FGFR1: variants seen among roughly 807,000 people sequenced by gnomAD.
The protein encoded by FGFR1 is FGFR1/PLAG1 fusion.
In FGFR1, 18 loss-of-function variants were observed where a neutral mutation model predicts 93.7. That is an observed-to-expected ratio of 0.19 (90% CI 0.13 to 0.28). FGFR1 has a LOEUF of 0.28. Ranked by LOEUF, FGFR1 falls within the 10% of genes least tolerant of loss-of-function variation. The probability of loss-of-function intolerance (pLI) is 1.00; values close to 1 mark genes in which losing one functional copy is unlikely to be tolerated. For missense variants in FGFR1, 731 were observed against 1,080.4 expected (o/e 0.68, Z 4.53); for synonymous variants, 448 against 429.3 (o/e 1.04, Z -0.54).
intron 1 of FGFR1, among the ~76,000 whole-genome samples, chr8:38,464,404 T>C (rs1345997942): frequency 6.6e-6 from 1 of 151,384 alleles, no homozygotes; most frequent in Non-Finnish European, 1.5e-5. Flanking sequence ...GGATGTACTA[T>C]GAGTGGAACC....
At chr8:38,427,777 A>AT in intron 5 of FGFR1, 144 bp downstream of exon 5, 10 of 849,372 alleles carry the variant, frequency 1.2e-5, no homozygotes, top group South Asian at 8.0e-5. Flanking sequence ...CTTTATTTGC[A>AT]TTTTTTTGTA....
intron 1 of FGFR1, among the ~76,000 whole-genome samples, chr8:38,464,559 A>G (rs1835120551): frequency 6.6e-6 from 1 of 152,130 alleles, no homozygotes; most frequent in African/African-American, 2.4e-5. Context: ...CCTTAGGAGG[A>G]AAAACAAATA....
intron 1 of FGFR1, among the ~76,000 whole-genome samples, chr8:38,461,430 A>C (rs1356108822): frequency 6.6e-6 from 1 of 152,114 alleles, no homozygotes; most frequent in East Asian, 1.9e-4. Context: ...CATCCCCCAG[A>C]CTCAAGTGAT....
At chr8:38,428,571 TTGG>T (rs1370743174) in intron 3 of FGFR1, 136 bp from the exon 4 acceptor site, 1 of 718,334 alleles carries the variant, frequency 1.4e-6, no homozygotes, top group African/African-American at 1.8e-5. Context: ...TGATGATCTC[TTGG>T]TGGGATGGAA....
chr8:38,455,046 G>T (rs1055627495), intron 2 of FGFR1, among the ~76,000 whole-genome samples: 4 of 147,276 alleles, frequency 2.7e-5, no homozygotes, highest in African/African-American at 1.0e-4. Flanking sequence ...TGTGATCATG[G>T]CTCACTGCAA....
rs1269375948 is a variant in FGFR1 at position 38,411,429 on chromosome 8, C to G, written c.*2199G>C. On this transcript the variant is annotated 3_prime_UTR_variant, in exon 18 of 18. Transcript: ENST00000447712. ...AGAGCTAAAAATTCATTTCCTAGTT[C>G]TGTTCACCAAATGATGCCTTCTTTA... 4.5e-6 allele frequency: 1 copy of G among 224,020 alleles called. No homozygotes were observed. Among genetic ancestry groups the G allele is most frequent in the Non-Finnish European group, 8.9e-6 (1 of 112,362 alleles). The allele number at this position is 224,020 out of a possible 1,614,324, so 13.9% of individuals were successfully genotyped here. A position where few individuals can be genotyped will look rare whatever the true frequency, so the allele number is the denominator to read the frequency against.
intron 2 of FGFR1, among the ~76,000 whole-genome samples, chr8:38,451,779 A>G (rs1176002759): frequency 6.6e-6 from 1 of 152,136 alleles, no homozygotes; most frequent in Non-Finnish European, 1.5e-5. Context: ...ACTGCTGAAA[A>G]GGGGGCAGGA....
At position 38,429,966 on chromosome 8, in the gene FGFR1, C is replaced by T. The variant is rs2150968247; in HGVS notation, c.92-18G>A. The stretch of plus-strand genomic sequence containing the variant: ...GGGCTGGGCTGCAGCCACCACGGGG[C>T]CGGGAAGGGAAGCCAAGGGGCGAGA... On this transcript the variant is annotated intron_variant, in intron 2 of 17. Transcript: ENST00000447712. The surrounding 1 kb of genome is among the most constrained non-coding windows in gnomAD (Gnocchi z 4.4). 1 of 1,593,184 alleles carries T rather than the reference C, an allele frequency of 6.3e-7. No individual in the cohort carries two copies. Among genetic ancestry groups the T allele is most frequent in the Non-Finnish European group, 8.6e-7 (1 of 1,168,140 alleles).
chr8:38,457,526 A>T lies in FGFR1; in HGVS notation c.-80T>A, dbSNP rs1263613909. The stretch of plus-strand genomic sequence containing the variant: ...CACAGTGAGCTCGATCCTCCTTTTC[A>T]AACTGACCCTGAGGAAAGGAAAAAA... On this transcript the variant is annotated 5_prime_UTR_variant, in exon 2 of 18. Transcript: ENST00000447712. 6.3e-7 allele frequency: 1 copy of T among 1,596,806 alleles called. No individual in the cohort carries two copies. The highest frequency in any genetic ancestry group is 8.5e-7 in the Non-Finnish European group (1 of 1,172,288).
In FGFR1 at chr8:38,413,905, C is replaced by A; in HGVS notation, c.2292+13G>T. ...GACGGCCTGAGCTCTGGCTCTGGCA[C>A]GGGCAGCCTTACCTGGTTGGAGGTC... On this transcript the variant is annotated intron_variant, in intron 17 of 17. Coordinates refer to ENST00000447712, the MANE Select transcript of FGFR1 (RefSeq NM_023110.3). This position sits in a 1 kb window ranked among gnomAD's most constrained non-coding sequence, Gnocchi z 4.2. 4 of 1,613,600 alleles carry A rather than the reference C, an allele frequency of 2.5e-6. No homozygotes were observed. The highest frequency in any genetic ancestry group is 3.4e-6 in the Non-Finnish European group (4 of 1,179,738).
At chr8:38,414,524 C>T (rs369312812) in intron 15 of FGFR1, 35 bp downstream of exon 15, 2 of 1,611,152 alleles carry the variant, frequency 1.2e-6, no homozygotes, top group Non-Finnish European at 1.7e-6. Context: ...GCTCTCTATC[C>T]CACACCTCCC....
At chr8:38,441,581 T>C (rs1180481272) in intron 2 of FGFR1, among the ~76,000 whole-genome samples, 3 of 152,214 alleles carry the variant, frequency 2.0e-5, no homozygotes, top group Non-Finnish European at 4.4e-5. Context: ...CTCTCCCTCC[T>C]ATCTAAACAG....
Position 38,457,378 on chromosome 8 carries a change from C to G in FGFR1, c.69G>C (p.Pro23=), listed in dbSNP as rs369704492. 6.2e-7 allele frequency: 1 copy of G among 1,613,590 alleles called. No individual in the cohort carries two copies. The highest frequency in any genetic ancestry group is 8.5e-7 in the Non-Finnish European group (1 of 1,180,014). The change falls in exon 2 of 18, where the codon CCG becomes CCC. Residue 23 remains proline (P), a synonymous_variant. Coordinates refer to ENST00000447712, the MANE Select transcript of FGFR1 (RefSeq NM_023110.3). The part of the protein sequence containing the change: ...LVTATLCTAR[P]SPTLPEQAQP... ...TACCTTGTTCAGGCAAGGTCGGGGACGGCCTAGCGGTGCAGAGTGTGGCTG... is the reference window on the plus strand; with the variant it reads ...TACCTTGTTCAGGCAAGGTCGGGGAGGGCCTAGCGGTGCAGAGTGTGGCTG...
chr8:38,458,462 A>G, intron 1 of FGFR1, among the ~76,000 whole-genome samples: 1 of 151,806 alleles, frequency 6.6e-6, no homozygotes, highest in Non-Finnish European at 1.5e-5. Context: ...AATTGCTTGA[A>G]CTCAGGAGGC....
intron 1 of FGFR1, chr8:38,461,106 T>A (rs1386976928): frequency 6.5e-7 from 1 of 1,536,092 alleles, no homozygotes; most frequent in South Asian, 1.2e-5. Flanking sequence ...CTTGCCTCCA[T>A]CACAGGTGGT....
chr8:38,459,998 C>G (rs1168856059), intron 1 of FGFR1, among the ~76,000 whole-genome samples: 2 of 152,100 alleles, frequency 1.3e-5, no homozygotes, highest in Non-Finnish European at 2.9e-5. Context: ...GACTGGCCAA[C>G]ATGGTGAAAT....
chr8:38,428,440 G>A lies in FGFR1; in HGVS notation c.359-5C>T, dbSNP rs1293360136. 6 of 1,609,622 alleles carry A rather than the reference G, an allele frequency of 3.7e-6. No individual in the cohort carries two copies. In the South Asian group the frequency reaches 6.6e-5, roughly 18 times the overall value. The stretch of plus-strand genomic sequence containing the variant: ...CCTCCGAGGAGGGGAGAGCATCTAT[G>A]GGAAGAAGAAGGGGCACTGAGGTTC... On this transcript the variant is annotated splice_polypyrimidine_tract_variant and splice_region_variant and intron_variant, in intron 3 of 17. Transcript: ENST00000447712.
intron 2 of FGFR1, among the ~76,000 whole-genome samples, chr8:38,454,867 A>G (rs992157337): frequency 6.6e-6 from 1 of 151,892 alleles, no homozygotes; most frequent in African/African-American, 2.4e-5. Context: ...AGCCATCCAC[A>G]CTGAGCTGCC....
chr8:38,428,164 C>G (rs933936866), intron 4 of FGFR1, 71 bp from the exon 5 acceptor site: 2 of 1,601,018 alleles, frequency 1.2e-6, no homozygotes, highest in Non-Finnish European at 1.7e-6. Flanking sequence ...GAGCAGGGCC[C>G]AGGCCAGGAC....
Sources: allele counts gnomAD v4.1 joint callset (sites outside exome capture counted in the v4.1 genomes callset), GRCh38; gene constraint gnomAD v4.1.1; non-coding constraint Gnocchi (gnomAD v3.1); transcripts MANE v1.5; gene names NCBI Gene and HGNC (gene_info 2026-07-23, HGNC 2026-07-21).